The following AKAP6 variants were observed in gnomAD, a reference collection of about 807,000 sequenced individuals.
AKAP6 encodes the protein A-kinase anchoring protein 6, also known as A-kinase anchor protein 6.
AKAP6 carries 58 observed loss-of-function variants against 188.5 expected under a neutral mutation model. That is an observed-to-expected ratio of 0.31 (90% CI 0.25 to 0.38). AKAP6 has a LOEUF of 0.38. Among genes scored for constraint, AKAP6 ranks in the 10% least tolerant of loss-of-function variants. AKAP6 has a pLI of 1.00. For synonymous variants in AKAP6, 989 were observed against 998.6 expected (o/e 0.99, Z 0.18); for missense variants, 2,710 against 2,740.0 (o/e 0.99, Z 0.24).
intron 11 of AKAP6, among the ~76,000 whole-genome samples, chr14:32,741,432 T>C (rs891540053): frequency 2.0e-5 from 3 of 152,090 alleles, no homozygotes; most frequent in South Asian, 2.1e-4. Flanking sequence ...ATTCTTGCCA[T>C]GTTCCAAATC....
At position 32,834,596 on chromosome 14, in the gene AKAP6, T is replaced by C. The variant is rs1434565309; in HGVS notation, c.*4791T>C. ...CCCTGTGCTTTTACTCTATTTTTCT[T>C]TGGGCTTTTATAACATCGACAGTTC... On this transcript the variant is annotated 3_prime_UTR_variant, in exon 14 of 14. Transcript: ENST00000280979. 2.0e-5 allele frequency: 3 copies of C among 151,728 alleles called. No homozygotes were observed. The highest frequency in any genetic ancestry group is 7.2e-5 in the African/African-American group (3 of 41,434). The allele number at this position is 151,728 out of a possible 1,614,324, so 9.4% of individuals were successfully genotyped here.
chr14:32,674,864 A>G (rs1441411390), intron 7 of AKAP6, among the ~76,000 whole-genome samples: 2 of 152,184 alleles, frequency 1.3e-5, no homozygotes, highest in South Asian at 2.1e-4. Flanking sequence ...CCCACAAACA[A>G]CAACACACCA....
intron 2 of AKAP6, among the ~76,000 whole-genome samples, chr14:32,509,327 C>T (rs950074582): frequency 6.6e-6 from 1 of 151,832 alleles, no homozygotes; most frequent in Non-Finnish European, 1.5e-5. Context: ...GGGGTTTCGC[C>T]ATGTTGTCCA....
intron 12 of AKAP6, among the ~76,000 whole-genome samples, chr14:32,818,005 G>A (rs945084495): frequency 6.6e-6 from 1 of 152,026 alleles, no homozygotes; most frequent in African/African-American, 2.4e-5. Context: ...ATATTTTATG[G>A]TTGAAGTTAA....
At chr14:32,625,607 A>T (rs1322840438) in intron 7 of AKAP6, among the ~76,000 whole-genome samples, 2 of 151,998 alleles carry the variant, frequency 1.3e-5, no homozygotes, top group African/African-American at 4.8e-5. Context: ...TTAAATAGAA[A>T]CTATTTCACT....
intron 7 of AKAP6, among the ~76,000 whole-genome samples, chr14:32,633,321 C>T (rs1003544211): frequency 4.6e-5 from 7 of 152,058 alleles, no homozygotes; most frequent in East Asian, 3.9e-4. Flanking sequence ...TCCCCTTCTA[C>T]GAAGTTTACT....
intron 2 of AKAP6, among the ~76,000 whole-genome samples, chr14:32,452,114 G>A (rs2138780386): frequency 7.0e-6 from 1 of 142,552 alleles, no homozygotes; most frequent in East Asian, 2.1e-4. Flanking sequence ...CTTCACCTCT[G>A]GGGCTCCAGC....
At chr14:32,720,744 T>G (rs2030487015) in intron 9 of AKAP6, among the ~76,000 whole-genome samples, 1 of 152,146 alleles carries the variant, frequency 6.6e-6, no homozygotes, top group South Asian at 2.1e-4. Context: ...CGTAGGAGGC[T>G]TGAGGCAAGT....
chr14:32,491,494 C>T (rs996338044), intron 2 of AKAP6, among the ~76,000 whole-genome samples: 2 of 152,152 alleles, frequency 1.3e-5, no homozygotes, highest in Admixed American at 1.3e-4. Context: ...AATGAAATTA[C>T]ATATGTTATG....
intron 1 of AKAP6, among the ~76,000 whole-genome samples, chr14:32,359,712 G>C (rs994522051): frequency 1.3e-5 from 2 of 151,900 alleles, no homozygotes; most frequent in Non-Finnish European, 2.9e-5. Context: ...TCACACTTTT[G>C]AAGACTAATG....
intron 7 of AKAP6, among the ~76,000 whole-genome samples, chr14:32,677,831 G>A (rs1425834572): frequency 6.6e-6 from 1 of 152,162 alleles, no homozygotes; most frequent in Non-Finnish European, 1.5e-5. Flanking sequence ...AAAAAATGTA[G>A]TAAAGTCTAT....
At chr14:32,791,058 G>A (rs544133417) in intron 12 of AKAP6, among the ~76,000 whole-genome samples, 4 of 152,218 alleles carry the variant, frequency 2.6e-5, no homozygotes, top group East Asian at 3.9e-4. Flanking sequence ...TTGCTATTGC[G>A]AATAGTGCTG....
chr14:32,395,161 A>G (rs920089042), intron 1 of AKAP6, among the ~76,000 whole-genome samples: 2 of 152,136 alleles, frequency 1.3e-5, no homozygotes, highest in Non-Finnish European at 2.9e-5. Context: ...CAAGCAGGCT[A>G]AATATAACTC....
intron 11 of AKAP6, among the ~76,000 whole-genome samples, chr14:32,751,019 C>T (rs2032115263): frequency 6.6e-6 from 1 of 152,184 alleles, no homozygotes; most frequent in South Asian, 2.1e-4. Context: ...CAGGCGTGAG[C>T]CACCGCACCC....
At chr14:32,735,325 A>T (rs1436633933) in intron 10 of AKAP6, among the ~76,000 whole-genome samples, 2 of 152,118 alleles carry the variant, frequency 1.3e-5, no homozygotes, top group African/African-American at 4.8e-5. Context: ...GTGACCAAAA[A>T]ATTCAAATGA....
In AKAP6 at chr14:32,837,497, G is replaced by T. The variant is rs2034886717; in HGVS notation, c.*7692G>T. On this transcript the variant is annotated 3_prime_UTR_variant, in exon 14 of 14. Coordinates refer to ENST00000280979, the MANE Select transcript of AKAP6 (RefSeq NM_004274.5). ...CACTGGTTTATAAAAAATACTCTAA[G>T]GTTTATAGAATTAGTTTGGTTCCGT... The T allele has an allele frequency of 1.3e-5, 2 of 152,088 alleles. No individual in the cohort carries two copies. The highest frequency in any genetic ancestry group is 4.8e-5 in the African/African-American group (2 of 41,404). The allele number at this position is 152,088 out of a possible 1,614,324, so 9.4% of individuals were successfully genotyped here. A position where few individuals can be genotyped will look rare whatever the true frequency, so the allele number is the denominator to read the frequency against.
At chr14:32,563,611 C>T (rs1040871361) in intron 4 of AKAP6, among the ~76,000 whole-genome samples, 2 of 152,156 alleles carry the variant, frequency 1.3e-5, no homozygotes, top group African/African-American at 4.8e-5. Flanking sequence ...CATGGAGCTT[C>T]AGCCTCCCAT....
At chr14:32,746,668 C>T (rs10132702) in intron 11 of AKAP6, among the ~76,000 whole-genome samples, 1 of 152,102 alleles carries the variant, frequency 6.6e-6, no homozygotes, top group African/African-American at 2.4e-5. Context: ...TGGATGAGAA[C>T]ACTGAGGTGG....
At chr14:32,748,542 T>C (rs2032001806) in intron 11 of AKAP6, among the ~76,000 whole-genome samples, 1 of 152,204 alleles carries the variant, frequency 6.6e-6, no homozygotes, top group Non-Finnish European at 1.5e-5. Flanking sequence ...AGTAAATAGA[T>C]AAAGCAAATT....
Sources: gnomAD v4.1 joint callset for allele counts (sites outside exome capture counted in the v4.1 genomes callset) on GRCh38, gnomAD v4.1.1 for gene constraint, MANE v1.5 for transcripts, NCBI Gene and HGNC (gene_info 2026-07-23, HGNC 2026-07-21) for gene names.